Variants in PSD3 observed in about 807,000 individuals in gnomAD.
PSD3 encodes the protein pleckstrin and Sec7 domain containing 3.
PSD3 carries 49 observed loss-of-function variants against 105.5 expected under a neutral mutation model. That is an observed-to-expected ratio of 0.46 (90% CI 0.37 to 0.59). PSD3 has a LOEUF of 0.59. PSD3 is among the 20% of genes least tolerant of loss of function. The pLI is 0.00. For synonymous variants in PSD3, 557 were observed against 457.8 expected, an observed-to-expected ratio of 1.22 and a Z score of -2.77; for missense variants, 1,561 against 1,263.8, an observed-to-expected ratio of 1.24 and a Z score of -3.57.
intron 1 of PSD3, among the ~76,000 whole-genome samples, chr8:18,988,427 C>G (rs1430592268): frequency 2.0e-5 from 3 of 152,168 alleles, no homozygotes; most frequent in East Asian, 1.9e-4. Context: ...AATAAGCCCG[C>G]AAGTGGAAAA....
rs140085909 is a variant in PSD3 at position 18,869,536 on chromosome 8, A to G, written c.1239-1467T>C. Among the ~76,000 whole-genome samples, 682 of 152,274 alleles carry G rather than the reference A, an allele frequency of 4.5e-3. 2 individuals carry two copies. The highest frequency in any genetic ancestry group is 0.015 in the African/African-American group (614 of 41,568). On this transcript the variant is annotated intron_variant, in intron 3 of 15. Coordinates refer to ENST00000327040, the MANE Select transcript of PSD3 (RefSeq NM_015310.4). ...AGAGTTTCAAATCTTCAAGCCTGGCACAGGCCTTGGCTTCACACATCTGCA... is the reference window on the plus strand; with the variant it reads ...AGAGTTTCAAATCTTCAAGCCTGGCGCAGGCCTTGGCTTCACACATCTGCA...
At chr8:18,958,919 G>GTTTTTTT (rs71218911) in intron 1 of PSD3, among the ~76,000 whole-genome samples, 1 of 114,998 alleles carries the variant, frequency 8.7e-6, no homozygotes, top group African/African-American at 3.2e-5. Flanking sequence ...GTTAAGTGGT[G>GTTTTTTT]TTTTTTTTTT....
intron 11 of PSD3, among the ~76,000 whole-genome samples, chr8:18,629,155 A>T (rs1476016823): frequency 6.6e-6 from 1 of 152,032 alleles, no homozygotes; most frequent in Non-Finnish European, 1.5e-5. Flanking sequence ...TATTAATATT[A>T]GACAAAGTAG....
chr8:18,560,246 C>T (rs1801319625), intron 14 of PSD3, among the ~76,000 whole-genome samples: 1 of 150,000 alleles, frequency 6.7e-6, no homozygotes, highest in Admixed American at 6.6e-5. Context: ...CAACAAAAAA[C>T]AATGGTAAAA....
At chr8:18,599,303 T>C (rs1225639736) in intron 12 of PSD3, among the ~76,000 whole-genome samples, 1 of 152,168 alleles carries the variant, frequency 6.6e-6, no homozygotes, top group Non-Finnish European at 1.5e-5. Context: ...GTTGTTCAGG[T>C]ATAAAATGGT....
intron 9 of PSD3, among the ~76,000 whole-genome samples, chr8:18,752,559 T>TATATATTATATATAATTATATATATTAC (rs1805640545): frequency 1.4e-5 from 1 of 71,142 alleles, no homozygotes; most frequent in Non-Finnish European, 2.3e-5. Flanking sequence ...TATATAATTA[T>TATATATTATATATAATTATATATATTAC]ATATATTATA....
At chr8:18,971,033 C>G (rs1824619562) in intron 1 of PSD3, among the ~76,000 whole-genome samples, 1 of 151,528 alleles carries the variant, frequency 6.6e-6, no homozygotes, top group Non-Finnish European at 1.5e-5. Flanking sequence ...TAGCAATTAT[C>G]CACCCCAGGG....
chr8:18,562,796 G>A (rs1344776361), intron 14 of PSD3, among the ~76,000 whole-genome samples: 2 of 152,136 alleles, frequency 1.3e-5, no homozygotes, highest in Non-Finnish European at 2.9e-5. Flanking sequence ...GGCCGAGGCA[G>A]GGGAATTGCT....
rs182235194 is a variant in PSD3 at position 18,852,776 on chromosome 8, G to A, written c.1634+14898C>T. Among the ~76,000 whole-genome samples the A allele has an allele frequency of 3.0e-4, 45 of 152,180 alleles. No homozygotes were observed. In the East Asian group the frequency reaches 4.8e-3, roughly 16 times the overall value. On this transcript the variant is annotated intron_variant, in intron 4 of 15. Coordinates refer to ENST00000327040, the MANE Select transcript of PSD3 (RefSeq NM_015310.4). Reference sequence around the variant, plus strand: ...TTCATCACCATCATGCTCTAACATCGAAGTCCTCACGTGCCTCACATAAGG... The same window carrying A: ...TTCATCACCATCATGCTCTAACATCAAAGTCCTCACGTGCCTCACATAAGG...
At chr8:18,892,781 C>T (rs1030365062) in intron 2 of PSD3, among the ~76,000 whole-genome samples, 5 of 151,952 alleles carry the variant, frequency 3.3e-5, no homozygotes, top group African/African-American at 9.7e-5. Flanking sequence ...TATACCACCA[C>T]GTATGGCTAA....
chr8:18,752,511 A>AT (rs1174332347), intron 9 of PSD3, among the ~76,000 whole-genome samples: 86 of 57,542 alleles, frequency 1.5e-3, no homozygotes, highest in Non-Finnish European at 1.7e-3. Flanking sequence ...AATATATATA[A>AT]TATATGTAAT....
At position 18,528,112 on chromosome 8, in the gene PSD3, G is replaced by C. The variant is rs1458723005; in HGVS notation, c.*7631C>G. ...TTCTGCCTGTCCTATGGTAATCAAG[G>C]CTGACAATATAAATTCTCCGCTAGT... On this transcript the variant is annotated 3_prime_UTR_variant, in exon 16 of 16. Coordinates refer to ENST00000327040, the MANE Select transcript of PSD3 (RefSeq NM_015310.4). The C allele has an allele frequency of 6.6e-6, 1 of 152,152 alleles. No individual in the cohort carries two copies. Among genetic ancestry groups the C allele is most frequent in the Non-Finnish European group, 1.5e-5 (1 of 68,018 alleles). 9.4% of individuals were successfully genotyped at this position (152,152 alleles called of 1,614,324 possible). A position where few individuals can be genotyped will look rare whatever the true frequency, so the allele number is the denominator to read the frequency against.
At position 19,004,076 on chromosome 8, in the gene PSD3, G is replaced by A. The variant is rs116473440; in HGVS notation, c.21+9487C>T. On this transcript the variant is annotated intron_variant, in intron 1 of 15. Coordinates refer to ENST00000327040, the MANE Select transcript of PSD3 (RefSeq NM_015310.4). ...AGGTAATTCTTGACAGACAAGTTTG[G>A]GAAACACTATTTAGATCATGACATT... 8.7e-3 allele frequency among the ~76,000 whole-genome samples: 1,325 copies of A among 152,006 alleles called. 22 individuals carry two copies. The highest frequency in any genetic ancestry group is 0.03 in the African/African-American group (1,249 of 41,472).
At position 18,892,727 on chromosome 8, in the gene PSD3, C is replaced by T. The variant is rs373238940; in HGVS notation, c.131-19994G>A. 8.7e-5 allele frequency among the ~76,000 whole-genome samples: 13 copies of T among 150,136 alleles called. No individual in the cohort carries two copies. In the East Asian group the frequency reaches 1.2e-3, roughly 14 times the overall value. The stretch of plus-strand genomic sequence containing the variant: ...GCAATCTCTGCCTCTCAGGTTCAAG[C>T]GATTCTCACACCTCAGCCTCCCAAG... On this transcript the variant is annotated intron_variant, in intron 2 of 15. Transcript: ENST00000327040.
At chr8:18,944,749 G>A (rs1406242063) in intron 1 of PSD3, among the ~76,000 whole-genome samples, 2 of 151,958 alleles carry the variant, frequency 1.3e-5, no homozygotes, top group East Asian at 3.9e-4. Flanking sequence ...ATTTTTATCA[G>A]AACAGGCTGA....
intron 11 of PSD3, among the ~76,000 whole-genome samples, chr8:18,602,144 T>C (rs1327986674): frequency 6.6e-6 from 1 of 152,200 alleles, no homozygotes; most frequent in African/African-American, 2.4e-5. Context: ...GTACAAAGGC[T>C]TTCCCCGAGC....
intron 2 of PSD3, among the ~76,000 whole-genome samples, chr8:18,882,846 T>C (rs529858519): frequency 4.9e-4 from 73 of 150,222 alleles, no homozygotes; most frequent in East Asian, 3.5e-3. Flanking sequence ...TAGATATATA[T>C]ACACACACAC....
chr8:19,067,589 A>C (rs983410519), intron 1 of PSD3, among the ~76,000 whole-genome samples: 1 of 152,216 alleles, frequency 6.6e-6, no homozygotes, highest in Non-Finnish European at 1.5e-5. Context: ...AGGTGGAACC[A>C]CAGTCGGGTG....
chr8:18,628,749 G>C (rs187003586), intron 11 of PSD3, among the ~76,000 whole-genome samples: 18 of 151,954 alleles, frequency 1.2e-4, no homozygotes, highest in Non-Finnish European at 1.9e-4. Context: ...CAATTTGAAG[G>C]TGAACTGTGA....
Sources: allele counts gnomAD v4.1 joint callset (sites outside exome capture counted in the v4.1 genomes callset), GRCh38; gene constraint gnomAD v4.1.1; transcripts MANE v1.5; gene names NCBI Gene and HGNC (gene_info 2026-07-23, HGNC 2026-07-21).